DCLK1: variants seen among roughly 807,000 people sequenced by gnomAD.
DCLK1 encodes serine/threonine-protein kinase DCLK1.
DCLK1 carries 16 observed loss-of-function variants against 86.2 expected under a neutral mutation model. The ratio of observed to expected loss-of-function variants is 0.19; its 90% CI spans 0.13 to 0.28. The LOEUF (loss-of-function observed/expected upper bound fraction) is 0.28, where lower values mean the gene tolerates loss of function less well. Ranked by LOEUF, DCLK1 falls within the 10% of genes least tolerant of loss-of-function variation. The probability of loss-of-function intolerance (pLI) is 1.00; values close to 1 mark genes in which losing one functional copy is unlikely to be tolerated. For missense variants in DCLK1, 590 were observed against 940.2 expected, an observed-to-expected ratio of 0.63 and a Z score of 4.87; for synonymous variants, 369 against 370.5, an observed-to-expected ratio of 1.00 and a Z score of 0.05.
At chr13:35,788,008 T>C (rs1402277858) in intron 16 of DCLK1, 10 of 580,338 alleles carry the variant, frequency 1.7e-5, no homozygotes, top group East Asian at 3.0e-5. Context: ...GAAAGAAAGC[T>C]GGCAAATGTC....
At chr13:35,846,440 C>G in intron 6 of DCLK1, 3 of 985,268 alleles carry the variant, frequency 3.0e-6, no homozygotes, top group Non-Finnish European at 3.6e-6. Flanking sequence ...AATACAAACA[C>G]TCAGGTATTA....
At chr13:35,892,385 C>T (rs1220770320) in intron 4 of DCLK1, among the ~76,000 whole-genome samples, 1 of 152,180 alleles carries the variant, frequency 6.6e-6, no homozygotes, top group Non-Finnish European at 1.5e-5. Flanking sequence ...GGTAAGTCGC[C>T]TTTCTCTTTC....
intron 15 of DCLK1, among the ~76,000 whole-genome samples, chr13:35,801,524 A>G (rs1047467391): frequency 6.6e-6 from 1 of 150,800 alleles, no homozygotes. Flanking sequence ...TTAGTTTTCG[A>G]TCTCCTAGAT....
intron 6 of DCLK1, chr13:35,849,485 A>T: frequency 1.0e-6 from 1 of 985,036 alleles, no homozygotes; most frequent in Non-Finnish European, 1.2e-6. Flanking sequence ...TTAGTGTTTG[A>T]ACTAGTAAAA....
chr13:35,929,438 T>C (rs1876304639), intron 4 of DCLK1, among the ~76,000 whole-genome samples: 1 of 152,226 alleles, frequency 6.6e-6, no homozygotes, highest in Admixed American at 6.5e-5. Context: ...GGGAGCTCTG[T>C]GGTCAGATTT....
chr13:35,874,138 T>C (rs894585877), intron 4 of DCLK1, among the ~76,000 whole-genome samples: 44 of 152,194 alleles, frequency 2.9e-4, no homozygotes, highest in African/African-American at 1.1e-3. Flanking sequence ...CCAGATCTCA[T>C]TCTGATGCCT....
intron 3 of DCLK1, among the ~76,000 whole-genome samples, chr13:35,987,952 T>A (rs1385349796): frequency 6.6e-6 from 1 of 152,128 alleles, no homozygotes; most frequent in Non-Finnish European, 1.5e-5. Context: ...GAGCAGCCCA[T>A]CCTCAGGGGT....
intron 3 of DCLK1, among the ~76,000 whole-genome samples, chr13:36,011,890 G>T (rs916122384): frequency 2.5e-4 from 37 of 150,010 alleles, no homozygotes; most frequent in Non-Finnish European, 4.3e-4. Context: ...CTCAGGTCTT[G>T]CTTTATGAAT....
intron 15 of DCLK1, among the ~76,000 whole-genome samples, chr13:35,796,503 G>A (rs77126558): frequency 0.044 from 6,731 of 152,190 alleles, 409 homozygotes; most frequent in African/African-American, 0.14. Context: ...GCAGAGGTGC[G>A]GGGGAGGGAA....
chr13:36,024,164 G>T (rs976563006), intron 3 of DCLK1, among the ~76,000 whole-genome samples: 1 of 151,822 alleles, frequency 6.6e-6, no homozygotes, highest in Admixed American at 6.6e-5. Context: ...AAAGTGCTGG[G>T]ATTACAGGCA....
chr13:35,793,401 G>A lies in DCLK1; in HGVS notation c.2023C>T (p.Pro675Ser), dbSNP rs754979350. 10 of 1,609,274 alleles carry A rather than the reference G, an allele frequency of 6.2e-6. No individual in the cohort carries two copies. The highest frequency in any genetic ancestry group is 1.7e-4 in the Middle Eastern group (1 of 6,042). The change falls in exon 16 of 17, where the codon CCG becomes TCG. Residue 675 changes from proline to serine, a missense_variant. Transcript: ENST00000360631. ...IKKHFNTGPK[P>S]NSTAAGVSVI... is the part of the protein sequence containing the mutation. ...GAAACTCCAGCTGCTGTGCTATTCG[G>A]CTTGGGGCCTGTGTTGAAATGCTTC...
At chr13:35,944,664 G>T (rs1246573082) in intron 4 of DCLK1, among the ~76,000 whole-genome samples, 1 of 152,000 alleles carries the variant, frequency 6.6e-6, no homozygotes, top group East Asian at 1.9e-4. Flanking sequence ...TGTTTCTTTT[G>T]GAATGGGGGA....
chr13:35,854,972 A>G (rs1013266081), intron 5 of DCLK1, among the ~76,000 whole-genome samples: 2 of 152,224 alleles, frequency 1.3e-5, no homozygotes, highest in African/African-American at 4.8e-5. Context: ...CCCAGCAGGA[A>G]TAAATATAAG....
chr13:36,039,602 G>A (rs1453263791), intron 3 of DCLK1, among the ~76,000 whole-genome samples: 1 of 151,244 alleles, frequency 6.6e-6, no homozygotes, highest in Non-Finnish European at 1.5e-5. Flanking sequence ...TTTGTTGAAA[G>A]TATTGCATAG....
chr13:35,779,319 A>G (rs1426684288), intron 16 of DCLK1, among the ~76,000 whole-genome samples: 1 of 152,148 alleles, frequency 6.6e-6, no homozygotes, highest in Non-Finnish European at 1.5e-5. Context: ...TACCACCTGT[A>G]CCATATATTT....
At chr13:36,050,220 T>C (rs549565822) in intron 3 of DCLK1, among the ~76,000 whole-genome samples, 1 of 152,340 alleles carries the variant, frequency 6.6e-6, no homozygotes, top group East Asian at 1.9e-4. Flanking sequence ...AGTTGATGTT[T>C]AATAATATCT....
chr13:36,055,476 T>A (rs1427570529), intron 3 of DCLK1, among the ~76,000 whole-genome samples: 1 of 152,194 alleles, frequency 6.6e-6, no homozygotes, highest in African/African-American at 2.4e-5. Flanking sequence ...GTGTCTATTC[T>A]CTCTTACTAA....
intron 8 of DCLK1, among the ~76,000 whole-genome samples, chr13:35,834,192 A>G (rs918110809): frequency 6.6e-6 from 1 of 152,216 alleles, no homozygotes; most frequent in Non-Finnish European, 1.5e-5. Context: ...TAAAGCCAAA[A>G]AAAGCCAGAT....
intron 3 of DCLK1, among the ~76,000 whole-genome samples, chr13:35,980,587 G>C (rs4275732): frequency 0.22 from 32,821 of 152,024 alleles, 3,771 homozygotes; most frequent in Middle Eastern, 0.33. Context: ...GAATACTATA[G>C]ATCATGGTCC....
Sources: gnomAD v4.1 joint callset for allele counts (sites outside exome capture counted in the v4.1 genomes callset) on GRCh38, gnomAD v4.1.1 for gene constraint, MANE v1.5 for transcripts, NCBI Gene and HGNC (gene_info 2026-07-23, HGNC 2026-07-21) for gene names.